The following LARP1B variants were observed in gnomAD, a reference collection of about 807,000 sequenced individuals.
LARP1B encodes la-related protein 1B.
In LARP1B, 76 loss-of-function variants were observed where a neutral mutation model predicts 114.2. That is an observed-to-expected ratio of 0.67 (90% CI 0.55 to 0.81). LARP1B has a LOEUF of 0.81. Among genes scored for constraint, LARP1B ranks in the 30% least tolerant of loss-of-function variants. The pLI, the probability that LARP1B is intolerant of heterozygous loss-of-function variation, is 0.00. For missense variants in LARP1B, 1,014 were observed against 1,075.8 expected (o/e 0.94, Z 0.80); for synonymous variants, 345 against 348.0 (o/e 0.99, Z 0.10).
intron 12 of LARP1B, among the ~76,000 whole-genome samples, chr4:128,168,942 G>A (rs1301977059): frequency 1.3e-5 from 2 of 152,006 alleles, no homozygotes; most frequent in Non-Finnish European, 2.9e-5. Context: ...TCTGGGCCTG[G>A]AACTATTGGA....
At chr4:128,134,805 T>C (rs1313110633) in intron 11 of LARP1B, among the ~76,000 whole-genome samples, 3 of 152,026 alleles carry the variant, frequency 2.0e-5, no homozygotes, top group Non-Finnish European at 4.4e-5. Context: ...CTAAAGGTGA[T>C]ATGAAAATGG....
intron 11 of LARP1B, among the ~76,000 whole-genome samples, chr4:128,134,156 A>C (rs2150133915): frequency 6.6e-6 from 1 of 152,204 alleles, no homozygotes; most frequent in South Asian, 2.1e-4. Context: ...TCACACTGCC[A>C]CACCTGGGTA....
Position 128,211,871 on chromosome 4 carries a change from TATTA to T in LARP1B, c.*1823_*1826del, listed in dbSNP as rs755198015. 15 of 483,296 alleles carry T rather than the reference TATTA, an allele frequency of 3.1e-5. No individual in the cohort carries two copies. Among genetic ancestry groups the T allele is most frequent in the African/African-American group, 1.5e-4 (7 of 48,102 alleles). 29.9% of individuals were successfully genotyped at this position (483,296 alleles called of 1,614,324 possible). A position where few individuals can be genotyped will look rare whatever the true frequency, so the allele number is the denominator to read the frequency against. On this transcript the variant is annotated 3_prime_UTR_variant, in exon 20 of 20. Transcript: ENST00000326639. ...CAATAATCAGGAGTTTTGTGGTTTG[TATTA>T]ATTAGTAGTTTTATCATATTTTTAT...
intron 1 of LARP1B, among the ~76,000 whole-genome samples, chr4:128,074,192 G>T (rs1054215939): frequency 1.3e-5 from 2 of 151,890 alleles, no homozygotes; most frequent in South Asian, 2.1e-4. Context: ...CACCCACCTC[G>T]GCCTCCCAAA....
chr4:128,115,161 C>T (rs905276543), intron 10 of LARP1B, among the ~76,000 whole-genome samples: 2 of 152,134 alleles, frequency 1.3e-5, no homozygotes, highest in Non-Finnish European at 2.9e-5. Context: ...TGGTCTTGAA[C>T]TCCTGACCTC....
chr4:128,125,881 T>C (rs746293033), intron 11 of LARP1B, among the ~76,000 whole-genome samples: 3 of 152,188 alleles, frequency 2.0e-5, no homozygotes, highest in Non-Finnish European at 2.9e-5. Flanking sequence ...AAGGAAGCAC[T>C]AGTTGTAAAT....
intron 11 of LARP1B, among the ~76,000 whole-genome samples, chr4:128,143,784 G>A (rs1242588167): frequency 7.6e-5 from 5 of 65,512 alleles, no homozygotes; most frequent in African/African-American, 2.1e-4. Context: ...ACATAGATAA[G>A]TTAAGGCACA....
intron 5 of LARP1B, among the ~76,000 whole-genome samples, chr4:128,084,897 T>C (rs1380464421): frequency 1.3e-5 from 2 of 152,198 alleles, no homozygotes; most frequent in Non-Finnish European, 2.9e-5. Flanking sequence ...AGTCTCGTTC[T>C]GTTGCCCAGG....
At chr4:128,080,573 C>A (rs1324310213) in intron 4 of LARP1B, among the ~76,000 whole-genome samples, 1 of 152,002 alleles carries the variant, frequency 6.6e-6, no homozygotes, top group Non-Finnish European at 1.5e-5. Context: ...TTTTAAATTG[C>A]CTTGGCAGTT....
At chr4:128,081,013 A>C (rs1770122527) in intron 4 of LARP1B, among the ~76,000 whole-genome samples, 1 of 152,086 alleles carries the variant, frequency 6.6e-6, no homozygotes, top group African/African-American at 2.4e-5. Flanking sequence ...ATTTTAAATT[A>C]AACAGATTTT....
chr4:128,213,270 T>TAAAA (rs1326427206), downstream of LARP1B, among the ~76,000 whole-genome samples: 2 of 152,132 alleles, frequency 1.3e-5, no homozygotes, highest in Non-Finnish European at 2.9e-5. Flanking sequence ...TTAATCATTT[T>TAAAA]AATCATTTTA....
At chr4:128,126,716 A>G (rs1029838979) in intron 11 of LARP1B, among the ~76,000 whole-genome samples, 3 of 151,922 alleles carry the variant, frequency 2.0e-5, no homozygotes, top group African/African-American at 7.2e-5. Context: ...ATACAGAATG[A>G]TTTTCTACAG....
At chr4:128,085,217 A>C (rs1220788434) in intron 5 of LARP1B, among the ~76,000 whole-genome samples, 1 of 152,090 alleles carries the variant, frequency 6.6e-6, no homozygotes, top group Admixed American at 6.6e-5. Context: ...TAGACTTTTA[A>C]AAAATTTTTA....
chr4:128,098,768 T>TATATATATATATGTA (rs58280279), intron 8 of LARP1B, among the ~76,000 whole-genome samples: 29 of 18,880 alleles, frequency 1.5e-3, no homozygotes, highest in African/African-American at 6.0e-3. Flanking sequence ...TATATATATA[T>TATATATATATATGTA]TTTTTTTTTT....
At chr4:128,174,101 T>C (rs1744940677) in intron 12 of LARP1B, among the ~76,000 whole-genome samples, 2 of 152,210 alleles carry the variant, frequency 1.3e-5, no homozygotes, top group South Asian at 2.1e-4. Context: ...AACTTTCTTT[T>C]ATTGCTAAGT....
intron 4 of LARP1B, among the ~76,000 whole-genome samples, chr4:128,080,521 AT>A (rs2149444883): frequency 6.6e-6 from 1 of 152,260 alleles, no homozygotes; most frequent in South Asian, 2.1e-4. Context: ...AGTTTGCAGG[AT>A]TTATAGGATA....
chr4:128,181,380 G>T (rs1461089497), intron 15 of LARP1B, among the ~76,000 whole-genome samples: 1 of 151,866 alleles, frequency 6.6e-6, no homozygotes, highest in East Asian at 1.9e-4. Flanking sequence ...GTTTCACCAG[G>T]TTGGCCAGGC....
chr4:128,069,535 G>C, intron 1 of LARP1B: 1 of 745,446 alleles, frequency 1.3e-6, no homozygotes, highest in Non-Finnish European at 2.5e-6. Flanking sequence ...GCAGAGAGCT[G>C]GTGGTACTGC....
At chr4:128,122,818 T>A in intron 11 of LARP1B, 1 of 1,083,186 alleles carries the variant, frequency 9.2e-7, no homozygotes, top group Non-Finnish European at 1.1e-6. Flanking sequence ...CTGGTTCCTA[T>A]CCTAGTTATT....
Sources: allele counts gnomAD v4.1 joint callset (sites outside exome capture counted in the v4.1 genomes callset), GRCh38; gene constraint gnomAD v4.1.1; transcripts MANE v1.5; gene names NCBI Gene and HGNC (gene_info 2026-07-23, HGNC 2026-07-21).